The following MALRD1 variants were observed in gnomAD, a reference collection of about 807,000 sequenced individuals.
The protein encoded by MALRD1 is MAM and LDL receptor class A domain containing 1, also known as MAM and LDL-receptor class A domain-containing protein 1.
Under a neutral mutation model 242.1 loss-of-function variants are expected in MALRD1, and 247 were observed. The ratio of observed to expected loss-of-function variants is 1.02; its 90% CI spans 0.92 to 1.13. The LOEUF is 1.13. Among genes scored for constraint, MALRD1 ranks in the 50% most tolerant of loss-of-function variants. MALRD1 has a pLI of 0.00. For synonymous variants in MALRD1, 995 were observed against 866.6 expected (o/e 1.15, Z -2.60); for missense variants, 2,989 against 2,533.1 (o/e 1.18, Z -3.86).
chr10:19,185,813 T>C (rs374267697), intron 14 of MALRD1, among the ~76,000 whole-genome samples: 19 of 69,354 alleles, frequency 2.7e-4, no homozygotes, highest in Non-Finnish European at 4.3e-4. Flanking sequence ...TGTTTTGAGA[T>C]AGTGTGTGTG....
At chr10:19,171,422 T>TTATATATATATA (rs1554803054) in intron 13 of MALRD1, among the ~76,000 whole-genome samples, 8 of 36,270 alleles carry the variant, frequency 2.2e-4, no homozygotes, top group South Asian at 1.0e-3. Context: ...ATTTTATATT[T>TTATATATATATA]TATATACATA....
chr10:19,374,964 A>C (rs79401866), intron 26 of MALRD1, among the ~76,000 whole-genome samples: 1,984 of 152,320 alleles, frequency 0.013, 36 homozygotes, highest in African/African-American at 0.037. Flanking sequence ...GGCAAACATT[A>C]GTCCCTACCA....
chr10:19,274,857 A>C (rs12569558), intron 19 of MALRD1, among the ~76,000 whole-genome samples: 4,089 of 147,550 alleles, frequency 0.028, 137 homozygotes, highest in East Asian at 0.18. Context: ...TGTTTAATGG[A>C]TATAGTTTCT....
intron 7 of MALRD1, among the ~76,000 whole-genome samples, chr10:19,127,086 C>T (rs1043261776): frequency 6.6e-6 from 1 of 152,162 alleles, no homozygotes; most frequent in Non-Finnish European, 1.5e-5. Context: ...AGGACATGAT[C>T]TCATTCCTTT....
At chr10:19,473,610 TA>T (rs1319460974) in intron 29 of MALRD1, among the ~76,000 whole-genome samples, 2 of 152,144 alleles carry the variant, frequency 1.3e-5, no homozygotes, top group African/African-American at 4.8e-5. Context: ...TCATTTAGCA[TA>T]ATGTCCTCAA....
intron 28 of MALRD1, among the ~76,000 whole-genome samples, chr10:19,391,834 T>C (rs1459034912): frequency 1.3e-5 from 2 of 152,174 alleles, no homozygotes; most frequent in Non-Finnish European, 2.9e-5. Context: ...GTTTTAGGCT[T>C]CAAGTGTCAC....
Position 19,553,674 on chromosome 10 carries a change from G to A in MALRD1, c.5479-13828G>A, listed in dbSNP as rs561092545. On this transcript the variant is annotated intron_variant, in intron 32 of 39. Transcript: ENST00000454679. ...TATCAGTAATATATCTCAGCTCTGA[G>A]CATATGTATTTAAATTATTCTCCCT... Among the ~76,000 whole-genome samples, 6 of 152,172 alleles carry A rather than the reference G, an allele frequency of 3.9e-5. No homozygotes were observed. In the East Asian group the frequency reaches 1.2e-3, roughly 29 times the overall value.
At chr10:19,376,053 T>C (rs987847582) in intron 26 of MALRD1, among the ~76,000 whole-genome samples, 9 of 152,146 alleles carry the variant, frequency 5.9e-5, no homozygotes, top group African/African-American at 2.2e-4. Flanking sequence ...ACCCAGGAGA[T>C]GGAGGTTGCA....
intron 18 of MALRD1, among the ~76,000 whole-genome samples, chr10:19,215,448 C>T (rs182445559): frequency 1.3e-5 from 2 of 152,182 alleles, no homozygotes; most frequent in Admixed American, 1.3e-4. Flanking sequence ...TGGTCTGTCC[C>T]TGTGGACGTC....
intron 19 of MALRD1, among the ~76,000 whole-genome samples, chr10:19,259,442 T>C (rs778018145): frequency 6.6e-6 from 1 of 152,130 alleles, no homozygotes; most frequent in Non-Finnish European, 1.5e-5. Flanking sequence ...CTCACAATCA[T>C]GGCAGAAGGT....
chr10:19,595,594 T>G, intron 34 of MALRD1, 137 bp downstream of exon 34: 1 of 1,090,446 alleles, frequency 9.2e-7, no homozygotes, highest in Non-Finnish European at 1.3e-6. Flanking sequence ...TTCAGTGTTA[T>G]GTTGCAAAAC....
At chr10:19,711,046 G>A (rs578048103) in intron 38 of MALRD1, 1 of 152,342 alleles carries the variant, frequency 6.6e-6, no homozygotes, top group East Asian at 1.9e-4. Context: ...TTTGACTAGT[G>A]TGAATCAGTA....
At chr10:19,563,687 G>C (rs2131448496) in intron 32 of MALRD1, among the ~76,000 whole-genome samples, 1 of 152,246 alleles carries the variant, frequency 6.6e-6, no homozygotes, top group African/African-American at 2.4e-5. Flanking sequence ...CTGCAGGAGA[G>C]GAACTTCAGG....
intron 11 of MALRD1, among the ~76,000 whole-genome samples, chr10:19,153,382 G>C (rs1250890761): frequency 6.6e-6 from 1 of 152,144 alleles, no homozygotes. Flanking sequence ...TCTAAGATCT[G>C]AGGTTTCTCA....
At position 19,531,272 on chromosome 10, in the gene MALRD1, C is replaced by T. The variant is rs1187796588; in HGVS notation, c.5399C>T (p.Ser1800Phe). Residue 1800 changes from serine to phenylalanine, a missense_variant, in exon 32 of 40, where the codon TCC (serine) becomes TTC (phenylalanine). Coordinates refer to ENST00000454679, the MANE Select transcript of MALRD1 (RefSeq NM_001142308.3). ...GSVARITTSK[S>F]FPASLGMCTV... ...GTTGCCAGAATTACTACTTCCAAAT[C>T]CTTCCCAGCAAGCCTTGGAATGTGT... 29 of 1,550,290 alleles carry T rather than the reference C, an allele frequency of 1.9e-5. No individual in the cohort carries two copies. The highest frequency in any genetic ancestry group is 2.4e-5 in the Non-Finnish European group (28 of 1,146,892).
intron 29 of MALRD1, among the ~76,000 whole-genome samples, chr10:19,463,536 C>A (rs1430537781): frequency 6.7e-6 from 1 of 149,116 alleles, no homozygotes; most frequent in East Asian, 2.0e-4. Context: ...CTAATTCGTT[C>A]CCTTTCGTGG....
At chr10:19,496,558 C>T (rs1000062814) in intron 30 of MALRD1, among the ~76,000 whole-genome samples, 2 of 152,072 alleles carry the variant, frequency 1.3e-5, no homozygotes, top group Non-Finnish European at 2.9e-5. Flanking sequence ...AGCTAAGACA[C>T]TGTTAAGAGG....
intron 18 of MALRD1, among the ~76,000 whole-genome samples, chr10:19,244,863 A>G (rs1421361242): frequency 2.0e-5 from 3 of 152,168 alleles, no homozygotes; most frequent in African/African-American, 7.2e-5. Context: ...AGCCTTGGGT[A>G]TAAATTAAGA....
At chr10:19,654,766 A>G (rs1435847733) in intron 36 of MALRD1, among the ~76,000 whole-genome samples, 1 of 152,180 alleles carries the variant, frequency 6.6e-6, no homozygotes, top group Non-Finnish European at 1.5e-5. Context: ...ATATCCAGGC[A>G]CAGAAGGGAA....
Sources: gnomAD v4.1 joint callset for allele counts (sites outside exome capture counted in the v4.1 genomes callset) on GRCh38, gnomAD v4.1.1 for gene constraint, MANE v1.5 for transcripts, NCBI Gene and HGNC (gene_info 2026-07-23, HGNC 2026-07-21) for gene names.